The following NAALADL2 variants were observed in gnomAD, a reference collection of about 807,000 sequenced individuals.
The protein encoded by NAALADL2 is N-acetylated alpha-linked acidic dipeptidase like 2.
In NAALADL2, 76 loss-of-function variants were observed where a neutral mutation model predicts 87.2. That is an observed-to-expected ratio of 0.87 (90% CI 0.72 to 1.05). The LOEUF is 1.05. Ranked by LOEUF, NAALADL2 falls within the 50% of genes least tolerant of loss-of-function variation. The pLI is 0.00. For synonymous variants in NAALADL2, 354 were observed against 331.0 expected (o/e 1.07, Z -0.75); for missense variants, 1,089 against 945.8 (o/e 1.15, Z -1.99).
chr3:174,587,815 C>T (rs1241466629), intron 2 of NAALADL2, among the ~76,000 whole-genome samples: 2 of 152,078 alleles, frequency 1.3e-5, no homozygotes, highest in African/African-American at 2.4e-5. Context: ...AACATTTTTT[C>T]CTTCATTTCA....
chr3:175,011,278 GAC>G (rs755380770), intron 1 of NAALADL2, among the ~76,000 whole-genome samples: 4,334 of 97,250 alleles, frequency 0.045, 195 homozygotes, highest in African/African-American at 0.19. Flanking sequence ...GAGACAGAGA[GAC>G]AGAGAGAGAG....
chr3:175,489,589 T>C (rs924749016), intron 9 of NAALADL2, among the ~76,000 whole-genome samples: 2 of 152,204 alleles, frequency 1.3e-5, no homozygotes, highest in African/African-American at 2.4e-5. Context: ...ACAGATGTCA[T>C]GTCATAAGAA....
chr3:175,506,930 A>T (rs961060907), intron 9 of NAALADL2, among the ~76,000 whole-genome samples: 1 of 152,100 alleles, frequency 6.6e-6, no homozygotes, highest in Non-Finnish European at 1.5e-5. Flanking sequence ...GGGGGAAATG[A>T]CATGCACGGG....
At chr3:175,055,082 C>T (rs1711842475) in intron 1 of NAALADL2, among the ~76,000 whole-genome samples, 1 of 152,188 alleles carries the variant, frequency 6.6e-6, no homozygotes, top group African/African-American at 2.4e-5. Flanking sequence ...CCTGTATCTA[C>T]CAAACCCTTA....
intron 1 of NAALADL2, among the ~76,000 whole-genome samples, chr3:174,985,929 G>A (rs750455285): frequency 2.6e-5 from 4 of 151,818 alleles, no homozygotes; most frequent in Non-Finnish European, 5.9e-5. Flanking sequence ...TCCAGCCTGG[G>A]CAACGAGAGC....
chr3:174,606,573 A>G (rs940324126), intron 2 of NAALADL2, among the ~76,000 whole-genome samples: 1 of 152,214 alleles, frequency 6.6e-6, no homozygotes, highest in African/African-American at 2.4e-5. Flanking sequence ...GGTATCAGCA[A>G]TGGAAGATGA....
At chr3:175,611,744 T>C (rs1724681143) in intron 10 of NAALADL2, among the ~76,000 whole-genome samples, 1 of 152,162 alleles carries the variant, frequency 6.6e-6, no homozygotes. Context: ...AATAGTCTGT[T>C]CTATGTTGGA....
chr3:174,686,999 A>T (rs780928517), intron 2 of NAALADL2, among the ~76,000 whole-genome samples: 1 of 152,028 alleles, frequency 6.6e-6, no homozygotes, highest in Non-Finnish European at 1.5e-5. Flanking sequence ...ACATCAGGTC[A>T]TGTCACCTTT....
intron 2 of NAALADL2, among the ~76,000 whole-genome samples, chr3:174,583,202 A>G (rs1462035411): frequency 6.6e-6 from 1 of 152,206 alleles, no homozygotes; most frequent in African/African-American, 2.4e-5. Flanking sequence ...CAATTATACT[A>G]TTTCATTCTG....
intron 2 of NAALADL2, among the ~76,000 whole-genome samples, chr3:175,161,957 G>A (rs963372488): frequency 2.0e-5 from 3 of 152,034 alleles, no homozygotes; most frequent in Admixed American, 6.6e-5. Flanking sequence ...TTTTTACACA[G>A]TCATATCTGG....
At chr3:175,293,320 T>A (rs1581283533) in intron 4 of NAALADL2, among the ~76,000 whole-genome samples, 2 of 152,128 alleles carry the variant, frequency 1.3e-5, no homozygotes, top group East Asian at 3.9e-4. Context: ...TTTAGTCACA[T>A]CTTCTGAATG....
intron 2 of NAALADL2, among the ~76,000 whole-genome samples, chr3:174,708,447 G>T (rs914164003): frequency 6.6e-6 from 1 of 152,106 alleles, no homozygotes; most frequent in South Asian, 2.1e-4. Context: ...CCACTTTTTA[G>T]ATAAACATTT....
intron 1 of NAALADL2, among the ~76,000 whole-genome samples, chr3:174,539,796 A>G (rs1046081693): frequency 6.6e-6 from 1 of 152,016 alleles, no homozygotes; most frequent in African/African-American, 2.4e-5. Flanking sequence ...ATTGTTTTCC[A>G]AAATGAAAAT....
At chr3:175,391,105 T>C (rs1176123740) in intron 5 of NAALADL2, among the ~76,000 whole-genome samples, 1 of 152,190 alleles carries the variant, frequency 6.6e-6, no homozygotes, top group Non-Finnish European at 1.5e-5. Context: ...GTTCAGTAAT[T>C]TTCCTCACCA....
chr3:175,775,677 C>A (rs1476270600), intron 13 of NAALADL2, among the ~76,000 whole-genome samples: 1 of 152,098 alleles, frequency 6.6e-6, no homozygotes, highest in East Asian at 1.9e-4. Flanking sequence ...TCATCTAAGT[C>A]TGTGATCATG....
chr3:174,823,749 A>T (rs1721678551), intron 3 of NAALADL2, among the ~76,000 whole-genome samples: 1 of 152,074 alleles, frequency 6.6e-6, no homozygotes, highest in Non-Finnish European at 1.5e-5. Context: ...ATCTCAGAGG[A>T]AGCCAGGCTG....
chr3:175,753,438 A>G (rs1441042241), intron 12 of NAALADL2, among the ~76,000 whole-genome samples: 1 of 152,104 alleles, frequency 6.6e-6, no homozygotes. Flanking sequence ...TATTTAGTAA[A>G]CAATTATTGA....
At chr3:175,695,117 A>T (rs1324707644) in intron 11 of NAALADL2, among the ~76,000 whole-genome samples, 1 of 151,966 alleles carries the variant, frequency 6.6e-6, no homozygotes, top group Non-Finnish European at 1.5e-5. Flanking sequence ...TTTTTAAATA[A>T]AATGCATCCT....
At chr3:175,575,352 T>G (rs1396812042) in intron 9 of NAALADL2, among the ~76,000 whole-genome samples, 2 of 152,178 alleles carry the variant, frequency 1.3e-5, no homozygotes, top group African/African-American at 2.4e-5. Flanking sequence ...TGGTACACTC[T>G]CGGCTCACTG....
Sources: allele counts gnomAD v4.1 joint callset (sites outside exome capture counted in the v4.1 genomes callset), GRCh38; gene constraint gnomAD v4.1.1; transcripts MANE v1.5; gene names NCBI Gene and HGNC (gene_info 2026-07-23, HGNC 2026-07-21).